Variants in SPOCK1 observed in about 807,000 individuals in gnomAD.
SPOCK1 encodes testican-1.
A neutral mutation model predicts 55.3 loss-of-function variants in SPOCK1; 23 were observed. That is an observed-to-expected ratio of 0.42 (90% CI 0.30 to 0.59). SPOCK1 has a LOEUF of 0.59. Ranked by LOEUF, SPOCK1 falls within the 20% of genes least tolerant of loss-of-function variation. The pLI, the probability that SPOCK1 is intolerant of heterozygous loss-of-function variation, is 0.22. For synonymous variants in SPOCK1, 226 were observed against 221.0 expected, an observed-to-expected ratio of 1.02 and a Z score of -0.20; for missense variants, 499 against 552.5, an observed-to-expected ratio of 0.90 and a Z score of 0.97.
chr5:137,160,395 T>C (rs1273696071), intron 3 of SPOCK1, among the ~76,000 whole-genome samples: 1 of 130,164 alleles, frequency 7.7e-6, no homozygotes, highest in Non-Finnish European at 1.6e-5. Context: ...CATAAATATA[T>C]ATAAATATAT....
At chr5:137,151,306 A>G (rs533420956) in intron 3 of SPOCK1, among the ~76,000 whole-genome samples, 2 of 152,270 alleles carry the variant, frequency 1.3e-5, no homozygotes, top group East Asian at 1.9e-4. Flanking sequence ...ACTTATTTAT[A>G]TTAAGGTAAT....
chr5:137,176,520 GTGTGTGT>G, intron 3 of SPOCK1, among the ~76,000 whole-genome samples: 2 of 152,066 alleles, frequency 1.3e-5, no homozygotes, highest in Admixed American at 1.3e-4. Flanking sequence ...GTGTGTGTGT[GTGTGTGT>G]GTAGGTACAT....
intron 2 of SPOCK1, among the ~76,000 whole-genome samples, chr5:137,450,500 G>A (rs568038764): frequency 2.0e-5 from 3 of 152,238 alleles, no homozygotes; most frequent in African/African-American, 7.2e-5. Flanking sequence ...GCTCAATCAG[G>A]GCTGACTTCA....
At chr5:137,158,502 T>C (rs572241417) in intron 3 of SPOCK1, among the ~76,000 whole-genome samples, 86 of 152,302 alleles carry the variant, frequency 5.6e-4, no homozygotes, top group African/African-American at 1.9e-3. Flanking sequence ...AACATGTCAA[T>C]TGAAATGCAG....
chr5:137,138,177 C>T (rs1754024705), intron 4 of SPOCK1, among the ~76,000 whole-genome samples: 1 of 152,202 alleles, frequency 6.6e-6, no homozygotes, highest in Non-Finnish European at 1.5e-5. Context: ...AAATAGCCAA[C>T]CTGGGAATTG....
intron 4 of SPOCK1, among the ~76,000 whole-genome samples, chr5:137,125,981 G>C (rs1753775640): frequency 6.6e-6 from 1 of 152,150 alleles, no homozygotes; most frequent in Non-Finnish European, 1.5e-5. Context: ...ACACAATATT[G>C]GTAGAAATTG....
In SPOCK1 at chr5:137,458,993, T is replaced by C. The variant is rs1270424817; in HGVS notation, c.186+39380A>G. On this transcript the variant is annotated intron_variant, in intron 2 of 10. Coordinates refer to ENST00000394945, the MANE Select transcript of SPOCK1 (RefSeq NM_004598.4). ...ATACACAAGAAGGAAAGTCTGTCTG[T>C]ATCTTACCATTTCCCAGTGAAGGTG... Among the ~76,000 whole-genome samples, 3 of 152,210 alleles carry C rather than the reference T, an allele frequency of 2.0e-5. No homozygotes were observed. In the South Asian group the frequency reaches 6.2e-4, roughly 32 times the overall value.
At chr5:137,096,950 G>A (rs1314349059) in intron 5 of SPOCK1, among the ~76,000 whole-genome samples, 3 of 152,186 alleles carry the variant, frequency 2.0e-5, no homozygotes, top group African/African-American at 4.8e-5. Context: ...GAGCACAGGA[G>A]CATTAATAAT....
At chr5:137,226,719 C>T (rs1210428836) in intron 3 of SPOCK1, among the ~76,000 whole-genome samples, 1 of 152,224 alleles carries the variant, frequency 6.6e-6, no homozygotes, top group Non-Finnish European at 1.5e-5. Context: ...AGGTTGTTCC[C>T]TCTGCGTGGA....
intron 3 of SPOCK1, among the ~76,000 whole-genome samples, chr5:137,205,118 C>T (rs1380852265): frequency 6.6e-6 from 1 of 152,186 alleles, no homozygotes; most frequent in Non-Finnish European, 1.5e-5. Context: ...ACCAGTTGAT[C>T]TCCCCACTAG....
At position 137,282,589 on chromosome 5, in the gene SPOCK1, CA is replaced by C. The variant is rs1757187331; in HGVS notation, c.187-15535del. On this transcript the variant is annotated intron_variant, in intron 2 of 10. Coordinates refer to ENST00000394945, the MANE Select transcript of SPOCK1 (RefSeq NM_004598.4). ...CTTCATAATAAGGTGATAAAGCAAA[CA>C]GAAATGTTTGTTTGGAGAAAAGCTG... 2.0e-5 allele frequency among the ~76,000 whole-genome samples: 3 copies of C among 152,314 alleles called. No individual in the cohort carries two copies. In the South Asian group the frequency reaches 6.2e-4, roughly 32 times the overall value.
At chr5:137,310,497 G>T (rs1395434492) in intron 2 of SPOCK1, among the ~76,000 whole-genome samples, 1 of 152,166 alleles carries the variant, frequency 6.6e-6, no homozygotes, top group Non-Finnish European at 1.5e-5. Flanking sequence ...AAAGTAGGGT[G>T]GATCAACATG....
intron 3 of SPOCK1, among the ~76,000 whole-genome samples, chr5:137,153,196 C>T (rs1238908989): frequency 6.6e-6 from 1 of 152,190 alleles, no homozygotes; most frequent in Non-Finnish European, 1.5e-5. Flanking sequence ...AGTCCCCTGA[C>T]ATGTGTCTGC....
intron 2 of SPOCK1, among the ~76,000 whole-genome samples, chr5:137,488,749 C>G (rs189999078): frequency 7.2e-4 from 110 of 152,298 alleles, no homozygotes; most frequent in African/African-American, 2.5e-3. Context: ...TTCCACTTCC[C>G]TGCTCCAATC....
chr5:136,978,030 C>A lies in SPOCK1; in HGVS notation c.*624G>T, dbSNP rs1313195363. On this transcript the variant is annotated 3_prime_UTR_variant, in exon 11 of 11. Coordinates refer to ENST00000394945, the MANE Select transcript of SPOCK1 (RefSeq NM_004598.4). The stretch of plus-strand genomic sequence containing the variant: ...TATTTATGCATGTACAGGGAAGTAT[C>A]CAGACACCAATTTTTAATAAAATGA... 5 of 398,008 alleles carry A rather than the reference C, an allele frequency of 1.3e-5. No homozygotes were observed. In the Admixed American group the frequency reaches 2.2e-4, roughly 18 times the overall value. The allele number at this position is 398,008 out of a possible 1,614,324, so 24.7% of individuals were successfully genotyped here.
At chr5:137,251,969 G>T (rs921848467) in intron 3 of SPOCK1, among the ~76,000 whole-genome samples, 4 of 150,720 alleles carry the variant, frequency 2.7e-5, no homozygotes, top group Non-Finnish European at 4.4e-5. Context: ...GCCCAGGCTG[G>T]AGTGCAGTGG....
At chr5:137,148,480 C>T (rs927200648) in intron 3 of SPOCK1, among the ~76,000 whole-genome samples, 7 of 152,148 alleles carry the variant, frequency 4.6e-5, no homozygotes, top group African/African-American at 1.7e-4. Context: ...TTTCCCTGCT[C>T]CCCAGCTGCT....
chr5:137,377,673 C>T (rs1045660261), intron 2 of SPOCK1, among the ~76,000 whole-genome samples: 11 of 152,102 alleles, frequency 7.2e-5, no homozygotes, highest in Admixed American at 6.5e-4. Flanking sequence ...AATAAGCTGA[C>T]AGATAAATCG....
intron 2 of SPOCK1, among the ~76,000 whole-genome samples, chr5:137,408,380 C>A (rs997824045): frequency 3.3e-5 from 5 of 152,156 alleles, no homozygotes; most frequent in Admixed American, 1.3e-4. Flanking sequence ...CTCATATAGG[C>A]CCAACCATGA....
Sources: allele counts gnomAD v4.1 joint callset (sites outside exome capture counted in the v4.1 genomes callset), GRCh38; gene constraint gnomAD v4.1.1; transcripts MANE v1.5; gene names NCBI Gene and HGNC (gene_info 2026-07-23, HGNC 2026-07-21).